Variants in BNC2 observed in about 807,000 individuals in gnomAD.
The protein encoded by BNC2 is zinc finger protein basonuclin-2.
BNC2 carries 20 observed loss-of-function variants against 76.3 expected under a neutral mutation model. The observed-to-expected ratio is 0.26, with a 90% confidence interval of 0.18 to 0.38. BNC2 has a LOEUF of 0.38. Ranked by LOEUF, BNC2 falls within the 10% of genes least tolerant of loss-of-function variation. BNC2 has a pLI of 1.00. For synonymous variants in BNC2, 582 were observed against 514.8 expected, an observed-to-expected ratio of 1.13 and a Z score of -1.77; for missense variants, 1,382 against 1,399.8, an observed-to-expected ratio of 0.99 and a Z score of 0.20.
At chr9:16,724,699 T>A (rs1190144281) in intron 3 of BNC2, among the ~76,000 whole-genome samples, 1 of 152,134 alleles carries the variant, frequency 6.6e-6, no homozygotes. Context: ...TTTAAGCAGA[T>A]CCAACTTTGC....
At position 16,631,756 on chromosome 9, in the gene BNC2, C is replaced by T. The variant is rs144463578; in HGVS notation, c.331-48671G>A. Among the ~76,000 whole-genome samples, 24 of 152,180 alleles carry T rather than the reference C, an allele frequency of 1.6e-4. No individual in the cohort carries two copies. In the East Asian group the frequency reaches 2.1e-3, roughly 13 times the overall value. On this transcript the variant is annotated intron_variant, in intron 3 of 6. Transcript: ENST00000380672. Reference sequence around the variant, plus strand: ...AGGAGAAAATTCAAATAATTTATCACGTTGTGCAGAAGAGCAGAAACACAC... The same window carrying T: ...AGGAGAAAATTCAAATAATTTATCATGTTGTGCAGAAGAGCAGAAACACAC...
intron 1 of BNC2, among the ~76,000 whole-genome samples, chr9:16,779,130 A>AAAAAAAAAAAAAAAAAAAAAAAAG (rs556932807): frequency 1.1e-5 from 1 of 87,630 alleles, no homozygotes; most frequent in African/African-American, 4.1e-5. Context: ...AAAAAAAAAA[A>AAAAAAAAAAAAAAAAAAAAAAAAG]AAAAGAAAAG....
chr9:16,819,813 A>ATT (rs10646871), intron 1 of BNC2, among the ~76,000 whole-genome samples: 2,856 of 150,080 alleles, frequency 0.019, 83 homozygotes, highest in African/African-American at 0.065. Flanking sequence ...TGAGATATGT[A>ATT]TTTTTTTTTT....
At chr9:16,789,904 C>A (rs1817454299) in intron 1 of BNC2, among the ~76,000 whole-genome samples, 1 of 152,220 alleles carries the variant, frequency 6.6e-6, no homozygotes, top group Non-Finnish European at 1.5e-5. Context: ...ACCCTCATCA[C>A]TTACAAGAGT....
At chr9:16,474,380 G>C (rs1236515280) in intron 5 of BNC2, among the ~76,000 whole-genome samples, 2 of 152,206 alleles carry the variant, frequency 1.3e-5, no homozygotes, top group Admixed American at 1.3e-4. Context: ...TGAATGAAGG[G>C]AGAAAAGTGT....
At chr9:16,615,825 C>T (rs1222358189) in intron 3 of BNC2, among the ~76,000 whole-genome samples, 1 of 152,210 alleles carries the variant, frequency 6.6e-6, no homozygotes, top group East Asian at 1.9e-4. Flanking sequence ...GTAAATACTT[C>T]ACATGCATGA....
At chr9:16,797,522 T>C (rs1817687558) in intron 1 of BNC2, among the ~76,000 whole-genome samples, 1 of 152,160 alleles carries the variant, frequency 6.6e-6, no homozygotes, top group Non-Finnish European at 1.5e-5. Flanking sequence ...CAACATGAGC[T>C]AGCTTTTAAA....
chr9:16,494,271 G>C (rs1254424508), intron 5 of BNC2, among the ~76,000 whole-genome samples: 2 of 152,018 alleles, frequency 1.3e-5, no homozygotes, highest in Middle Eastern at 3.2e-3. Flanking sequence ...TCCTGTCTCA[G>C]CCTCCTGAGT....
intron 3 of BNC2, among the ~76,000 whole-genome samples, chr9:16,703,351 T>C (rs527699804): frequency 1.3e-5 from 2 of 152,044 alleles, no homozygotes; most frequent in African/African-American, 4.8e-5. Context: ...GAAATAAAAA[T>C]CCAGCACAGA....
At chr9:16,480,765 G>A (rs2131508922) in intron 5 of BNC2, among the ~76,000 whole-genome samples, 1 of 152,332 alleles carries the variant, frequency 6.6e-6, no homozygotes, top group East Asian at 1.9e-4. Flanking sequence ...CTCGGGACCT[G>A]CAGTCCGCCA....
chr9:16,832,306 GA>G (rs1212094311), intron 1 of BNC2: 6 of 1,275,546 alleles, frequency 4.7e-6, no homozygotes, highest in Middle Eastern at 2.2e-4. Context: ...GTTATCAAGG[GA>G]AAAGAAGCCA....
chr9:16,511,878 A>G lies in BNC2; in HGVS notation c.669+40652T>C, dbSNP rs112688656. On this transcript the variant is annotated intron_variant, in intron 5 of 6. Transcript: ENST00000380672. The stretch of plus-strand genomic sequence containing the variant: ...GGCCATCACACTAAAGGATTTGTGT[A>G]CTTGTGTGTCTGTGCCAGCCAATAA... Among the ~76,000 whole-genome samples, 11 of 152,342 alleles carry G rather than the reference A, an allele frequency of 7.2e-5. No individual in the cohort carries two copies. The East Asian group carries it at 1.5e-3, about 21-fold the overall frequency.
intron 1 of BNC2, among the ~76,000 whole-genome samples, chr9:16,839,960 G>T (rs1374768567): frequency 6.6e-6 from 1 of 152,170 alleles, no homozygotes; most frequent in Non-Finnish European, 1.5e-5. Flanking sequence ...ACCCAAGCAA[G>T]ACACAGCTGC....
intron 1 of BNC2, among the ~76,000 whole-genome samples, chr9:16,762,045 A>G (rs1025353781): frequency 2.0e-5 from 3 of 152,204 alleles, no homozygotes; most frequent in African/African-American, 7.2e-5. Flanking sequence ...CATCAGCTTC[A>G]GAATGTTAAG....
At chr9:16,829,103 C>T (rs1329391684) in intron 1 of BNC2, among the ~76,000 whole-genome samples, 2 of 152,150 alleles carry the variant, frequency 1.3e-5, no homozygotes, top group Non-Finnish European at 2.9e-5. Context: ...GCGACTGTTC[C>T]GCCCGCGTCC....
chr9:16,814,939 C>T (rs1486805699), intron 1 of BNC2, among the ~76,000 whole-genome samples: 1 of 152,092 alleles, frequency 6.6e-6, no homozygotes, highest in African/African-American at 2.4e-5. Context: ...AGGAAACAAA[C>T]ACTTCAGATG....
At chr9:16,485,218 C>T (rs192388081) in intron 5 of BNC2, among the ~76,000 whole-genome samples, 20 of 152,214 alleles carry the variant, frequency 1.3e-4, no homozygotes, top group South Asian at 6.2e-4. Flanking sequence ...TCTAAATGAT[C>T]GTTCCTCATA....
At chr9:16,460,829 G>C (rs193230049) in intron 5 of BNC2, among the ~76,000 whole-genome samples, 3 of 151,898 alleles carry the variant, frequency 2.0e-5, no homozygotes, top group East Asian at 3.9e-4. Context: ...AGCAGTACTC[G>C]TGAAAGGCCT....
At chr9:16,854,326 ATTAAGAATCTTTAAAACCTAATC>A (rs1413550571) in intron 1 of BNC2, among the ~76,000 whole-genome samples, 1 of 152,238 alleles carries the variant, frequency 6.6e-6, no homozygotes, top group Non-Finnish European at 1.5e-5. Flanking sequence ...GTACAGAATT[ATTAAGAATCTTTAAAACCTAATC>A]TTAACCCTTA....
Sources: allele counts gnomAD v4.1 joint callset (sites outside exome capture counted in the v4.1 genomes callset), GRCh38; gene constraint gnomAD v4.1.1; transcripts MANE v1.5; gene names NCBI Gene and HGNC (gene_info 2026-07-23, HGNC 2026-07-21).